Variants in TENM3 observed in about 807,000 individuals in gnomAD.
The protein encoded by TENM3 is teneurin transmembrane protein 3.
Under a neutral mutation model 255.1 loss-of-function variants are expected in TENM3, and 63 were observed. The ratio of observed to expected loss-of-function variants is 0.25; its 90% CI spans 0.20 to 0.30. The LOEUF (loss-of-function observed/expected upper bound fraction) is 0.30. TENM3 is among the 10% of genes least tolerant of loss of function. The probability of loss-of-function intolerance (pLI) is 1.00; values close to 1 mark genes in which losing one functional copy is unlikely to be tolerated. For missense variants in TENM3, 2,929 were observed against 3,461.1 expected, an observed-to-expected ratio of 0.85 and a Z score of 3.86; for synonymous variants, 1,306 against 1,322.3, an observed-to-expected ratio of 0.99 and a Z score of 0.27.
At chr4:181,718,887 A>G in the TENM3 span, among the ~76,000 whole-genome samples, 2 of 152,180 alleles carry the variant, frequency 1.3e-5, no homozygotes, top group Non-Finnish European at 2.9e-5. Flanking sequence ...ATGCATGGCC[A>G]TAGTTTCTCC....
At chr4:182,701,210 CTT>C (rs35538818) in intron 12 of TENM3, among the ~76,000 whole-genome samples, 27 of 38,662 alleles carry the variant, frequency 7.0e-4, no homozygotes, top group African/African-American at 2.6e-3. Flanking sequence ...CAACTCTTGA[CTT>C]TTTTTTTTTT....
chr4:182,605,813 C>A lies in TENM3; in HGVS notation c.749+4652C>A, dbSNP rs369612024. On this transcript the variant is annotated intron_variant, in intron 4 of 27. Transcript: ENST00000511685. Reference sequence around the variant, plus strand: ...TAAGCTCTGTGGTGACCATATAGTTCATTACTAAAGCCAGGACACTTGCAG... The same window carrying A: ...TAAGCTCTGTGGTGACCATATAGTTAATTACTAAAGCCAGGACACTTGCAG... Among the ~76,000 whole-genome samples the A allele has an allele frequency of 1.6e-4, 24 of 152,242 alleles. No homozygotes were observed. The East Asian group carries it at 3.9e-3, about 25-fold the overall frequency.
At chr4:181,860,457 C>T in the TENM3 span, among the ~76,000 whole-genome samples, 4 of 152,152 alleles carry the variant, frequency 2.6e-5, no homozygotes, top group African/African-American at 9.7e-5. Context: ...TTTCTTTAGA[C>T]TTTGATAATG....
At chr4:182,003,915 G>A in the TENM3 span, among the ~76,000 whole-genome samples, 104,100 of 151,604 alleles carry the variant, frequency 0.69, 36,248 homozygotes, top group Non-Finnish European at 0.74. Flanking sequence ...ATTCATGAAT[G>A]CTAAAAAAAA....
the TENM3 span, among the ~76,000 whole-genome samples, chr4:181,572,757 TTTAG>T: frequency 6.6e-6 from 1 of 152,316 alleles, no homozygotes; most frequent in African/African-American, 2.4e-5. Flanking sequence ...GTTATACTCT[TTTAG>T]TTATTTTTAA....
intron 3 of TENM3, among the ~76,000 whole-genome samples, chr4:182,413,475 G>A (rs1477848367): frequency 2.0e-5 from 3 of 152,102 alleles, no homozygotes; most frequent in Non-Finnish European, 2.9e-5. Context: ...AAATTAGCTG[G>A]ACGTGGTGTG....
chr4:182,135,121 G>A, the TENM3 span, among the ~76,000 whole-genome samples: 27 of 147,830 alleles, frequency 1.8e-4, no homozygotes, highest in East Asian at 3.4e-3. Context: ...GAGGAGAATC[G>A]CTGGAACCCG....
At chr4:181,929,172 A>G in the TENM3 span, among the ~76,000 whole-genome samples, 1 of 152,196 alleles carries the variant, frequency 6.6e-6, no homozygotes, top group Non-Finnish European at 1.5e-5. Flanking sequence ...AAATTCACAC[A>G]TAACAATAGT....
chr4:181,825,760 G>T, the TENM3 span, among the ~76,000 whole-genome samples: 2 of 152,078 alleles, frequency 1.3e-5, no homozygotes, highest in African/African-American at 4.8e-5. Flanking sequence ...CATAAAATGT[G>T]GTGAACATAT....
intron 18 of TENM3, among the ~76,000 whole-genome samples, chr4:182,742,936 CATG>C (rs1761718166): frequency 6.6e-6 from 1 of 152,158 alleles, no homozygotes; most frequent in South Asian, 2.1e-4. Flanking sequence ...TTTCACCAGA[CATG>C]ATTTCAGTTC....
rs752367388 is a variant in TENM3 at position 182,738,510 on chromosome 4, A to G, written c.3345A>G (p.Thr1115=). The change falls in exon 18 of 28, where the codon ACA becomes ACG. Residue 1115 remains threonine, a synonymous_variant. Coordinates refer to ENST00000511685, the MANE Select transcript of TENM3 (RefSeq NM_001080477.4). ...ATGCGTCCAACATGGGTGGCTGGAC[A>G]TTAGATAAACATCACGTGCTGGATG... ...ELDASNMGGW[T]LDKHHVLDVQ... 6 of 1,613,226 alleles carry G rather than the reference A, an allele frequency of 3.7e-6. No individual in the cohort carries two copies. Among genetic ancestry groups the G allele is most frequent in the African/African-American group, 2.7e-5 (2 of 74,902 alleles).
the TENM3 span, among the ~76,000 whole-genome samples, chr4:181,999,657 G>A: frequency 6.6e-6 from 1 of 152,034 alleles, no homozygotes; most frequent in African/African-American, 2.4e-5. Flanking sequence ...TAAAATGAAG[G>A]GGAAGACCTC....
chr4:181,826,955 T>A, the TENM3 span, among the ~76,000 whole-genome samples: 1 of 152,156 alleles, frequency 6.6e-6, no homozygotes, highest in Non-Finnish European at 1.5e-5. Flanking sequence ...GAAAGAAGTG[T>A]GGTGTTGCAG....
At chr4:181,576,615 T>C in the TENM3 span, among the ~76,000 whole-genome samples, 1 of 152,036 alleles carries the variant, frequency 6.6e-6, no homozygotes, top group East Asian at 1.9e-4. Flanking sequence ...ACACATTCTT[T>C]CCACAGACAG....
chr4:181,904,660 G>T, the TENM3 span, among the ~76,000 whole-genome samples: 2 of 152,062 alleles, frequency 1.3e-5, no homozygotes, highest in African/African-American at 4.8e-5. Context: ...CTCTGTCCTC[G>T]CTGCCAGCCA....
intron 3 of TENM3, among the ~76,000 whole-genome samples, chr4:182,538,191 A>C (rs1740523228): frequency 6.6e-6 from 1 of 152,212 alleles, no homozygotes; most frequent in African/African-American, 2.4e-5. Flanking sequence ...ACCCAGGAAG[A>C]GTTTGAAGAA....
At chr4:182,599,049 C>G (rs184470537) in intron 3 of TENM3, among the ~76,000 whole-genome samples, 1 of 152,278 alleles carries the variant, frequency 6.6e-6, no homozygotes, top group East Asian at 1.9e-4. Flanking sequence ...TCCCTGTTCT[C>G]TCTTTGTTTC....
intron 1 of TENM3, among the ~76,000 whole-genome samples, chr4:182,147,830 G>A (rs1297655745): frequency 2.6e-5 from 4 of 152,074 alleles, no homozygotes; most frequent in Non-Finnish European, 4.4e-5. Context: ...ATGATAGCCC[G>A]TAGGAAAATT....
At chr4:182,564,305 T>TA (rs35242466) in intron 3 of TENM3, among the ~76,000 whole-genome samples, 104 of 144,260 alleles carry the variant, frequency 7.2e-4, no homozygotes, top group African/African-American at 1.5e-3. Context: ...AACCTTTCTT[T>TA]AAAAAAAAAA....
Sources: allele counts gnomAD v4.1 joint callset (sites outside exome capture counted in the v4.1 genomes callset), GRCh38; gene constraint gnomAD v4.1.1; transcripts MANE v1.5; gene names NCBI Gene and HGNC (gene_info 2026-07-23, HGNC 2026-07-21).